Variants in IPO8 observed in about 807,000 individuals in gnomAD.
IPO8 encodes the protein importin 8, also known as importin-8.
IPO8 carries 65 observed loss-of-function variants against 141.2 expected under a neutral mutation model. The observed-to-expected ratio is 0.46, with a 90% CI of 0.38 to 0.57. The LOEUF (loss-of-function observed/expected upper bound fraction) is 0.57, where lower values mean the gene tolerates loss of function less well. IPO8 is among the 20% of genes least tolerant of loss of function. IPO8 has a pLI of 0.00. For missense variants in IPO8, 980 were observed against 1,246.8 expected (o/e 0.79, Z 3.22); for synonymous variants, 411 against 420.3 (o/e 0.98, Z 0.27).
At chr12:30,671,678 A>T (rs112635839) in intron 8 of IPO8, among the ~76,000 whole-genome samples, 2 of 133,110 alleles carry the variant, frequency 1.5e-5, no homozygotes, top group Non-Finnish European at 3.3e-5. Flanking sequence ...CTGCCTCAAA[A>T]AAAAAAAAAA....
Position 30,695,856 on chromosome 12 carries a change from A to C in IPO8, c.-209T>G. The C allele has an allele frequency of 4.0e-6, 2 of 497,260 alleles. No homozygotes were observed. Among genetic ancestry groups the C allele is most frequent in the Non-Finnish European group, 7.0e-6 (2 of 283,966 alleles). 30.8% of individuals were successfully genotyped at this position (497,260 alleles called of 1,614,324 possible). A position where few individuals can be genotyped will look rare whatever the true frequency, so the allele number is the denominator to read the frequency against. Reference sequence around the variant, plus strand: ...TTTTCCCCCCCACAACTCGCTCTCCATTCACCGTTTTACGACAGCCGGTGG... The same window carrying C: ...TTTTCCCCCCCACAACTCGCTCTCCCTTCACCGTTTTACGACAGCCGGTGG... On this transcript the variant is annotated 5_prime_UTR_variant, in exon 1 of 25. An upstream start codon of the reference 5' UTR is lost. Transcript: ENST00000256079. This position sits in a 1 kb window ranked among gnomAD's most constrained non-coding sequence, Gnocchi z 4.2.
At chr12:30,678,263 C>T (rs1371489532) in intron 5 of IPO8, among the ~76,000 whole-genome samples, 2 of 152,088 alleles carry the variant, frequency 1.3e-5, no homozygotes, top group South Asian at 4.1e-4. Flanking sequence ...CATAGACTAA[C>T]GTCCTAGGCC....
intron 20 of IPO8, among the ~76,000 whole-genome samples, chr12:30,642,614 AATTT>A (rs1389806879): frequency 4.6e-5 from 7 of 151,278 alleles, no homozygotes; most frequent in African/African-American, 7.3e-5. Context: ...GCTAATTATC[AATTT>A]ATTAATACGA....
At chr12:30,658,876 CTT>C (rs11337753) in intron 16 of IPO8, among the ~76,000 whole-genome samples, 2,701 of 90,180 alleles carry the variant, frequency 0.03, 48 homozygotes, top group African/African-American at 0.12. Flanking sequence ...AGTATCAAGC[CTT>C]TTTTTTTTTT....
chr12:30,655,305 C>G (rs1345086442), intron 17 of IPO8, among the ~76,000 whole-genome samples: 1 of 152,096 alleles, frequency 6.6e-6, no homozygotes, highest in Non-Finnish European at 1.5e-5. Flanking sequence ...AACCACTGGT[C>G]TTTTTACTGA....
rs113150635 is a variant in IPO8, at chr12:30,681,926, A to G, written c.324-109T>C. The stretch of plus-strand genomic sequence containing the variant: ...TTGTTATCTTCTATTTACGTGTATT[A>G]TATACTTACATATGTGGGGTAGGGG... On this transcript the variant is annotated intron_variant, in intron 3 of 24. Transcript: ENST00000256079. 1,872 of 808,444 alleles carry G rather than the reference A, an allele frequency of 2.3e-3. 23 individuals carry two copies. The African/African-American group carries it at 0.03, about 13-fold the overall frequency. 50.1% of individuals were successfully genotyped at this position (808,444 alleles called of 1,614,324 possible).
At chr12:30,666,124 C>T in intron 11 of IPO8, 51 bp downstream of exon 11, 1 of 1,158,850 alleles carries the variant, frequency 8.6e-7, no homozygotes, top group Admixed American at 2.2e-5. Context: ...AGAGTATCAA[C>T]TCAACACAGG....
intron 1 of IPO8, among the ~76,000 whole-genome samples, chr12:30,692,022 C>T (rs1213121231): frequency 6.6e-6 from 1 of 152,204 alleles, no homozygotes; most frequent in Non-Finnish European, 1.5e-5. Flanking sequence ...GTTCTAACAA[C>T]CGTTGATAGG....
chr12:30,629,714 C>T lies in IPO8; in HGVS notation c.*1146G>A, dbSNP rs1304743319. On this transcript the variant is annotated 3_prime_UTR_variant, in exon 25 of 25. Transcript: ENST00000256079. ...CATATGCAATATTTCCTATAGGCAA[C>T]CTAAAAGTGCAGCTGCCCCAACCCT... 1 of 152,102 alleles carries T rather than the reference C, an allele frequency of 6.6e-6. No individual in the cohort carries two copies. The highest frequency in any genetic ancestry group is 1.5e-5 in the Non-Finnish European group (1 of 68,014). The allele number at this position is 152,102 out of a possible 1,614,324, so 9.4% of individuals were successfully genotyped here.
At position 30,631,609 on chromosome 12, in the gene IPO8, G is replaced by A. The variant is rs183909785; in HGVS notation, c.3016+286C>T. On this transcript the variant is annotated intron_variant, in intron 24 of 24. Coordinates refer to ENST00000256079, the MANE Select transcript of IPO8 (RefSeq NM_006390.4). ...GATCCAACTGATTAAGTCTCCCTCGGCAAGACTTATCCCAACCCTTACTTT... is the reference window on the plus strand; with the variant it reads ...GATCCAACTGATTAAGTCTCCCTCGACAAGACTTATCCCAACCCTTACTTT... 6.7e-5 allele frequency: 16 copies of A among 240,030 alleles called. No individual in the cohort carries two copies. The East Asian group carries it at 1.5e-3, about 23-fold the overall frequency. 14.9% of individuals were successfully genotyped at this position (240,030 alleles called of 1,614,324 possible).
At position 30,649,252 on chromosome 12, in the gene IPO8, G is replaced by C; in HGVS notation, c.2173-20C>G. The C allele has an allele frequency of 6.3e-7, 1 of 1,575,088 alleles. No individual in the cohort carries two copies. Among genetic ancestry groups the C allele is most frequent in the Non-Finnish European group, 8.7e-7 (1 of 1,145,926 alleles). On this transcript the variant is annotated intron_variant, in intron 19 of 24. Coordinates refer to ENST00000256079, the MANE Select transcript of IPO8 (RefSeq NM_006390.4). ...TAGTACCTGCAGTAATTACAATTTA[G>C]CTCAGCAGTAAGTGGCACTGCATAG...
chr12:30,667,876 G>C (rs1449704720), intron 10 of IPO8, among the ~76,000 whole-genome samples: 1 of 152,130 alleles, frequency 6.6e-6, no homozygotes, highest in Non-Finnish European at 1.5e-5. Context: ...TATTATGAAA[G>C]AAGTAAACAC....
At chr12:30,691,569 CCA>C (rs1401642641) in intron 1 of IPO8, among the ~76,000 whole-genome samples, 1 of 152,178 alleles carries the variant, frequency 6.6e-6, no homozygotes. Flanking sequence ...CTGTCACATT[CCA>C]GAGTCCACAT....
At chr12:30,680,741 A>G in intron 4 of IPO8, 103 bp from the exon 5 acceptor site, 1 of 919,306 alleles carries the variant, frequency 1.1e-6, no homozygotes, top group Non-Finnish European at 1.6e-6. Context: ...CTAACAAAAC[A>G]AAGTCATTAA....
chr12:30,639,904 TAG>T (rs762010622), intron 20 of IPO8, among the ~76,000 whole-genome samples, 169 bp from the exon 21 acceptor site: 1 of 152,194 alleles, frequency 6.6e-6, no homozygotes, highest in Non-Finnish European at 1.5e-5. Context: ...TATAACAACC[TAG>T]AGAGACTAAA....
At chr12:30,676,660 A>G (rs1462121617) in intron 5 of IPO8, 73 bp from the exon 6 acceptor site, 1 of 1,059,882 alleles carries the variant, frequency 9.4e-7, no homozygotes, top group African/African-American at 1.6e-5. Context: ...TCTATATTGT[A>G]AGGCTAAAAT....
In IPO8 at chr12:30,695,212, G is replaced by A; in HGVS notation, c.84+352C>T. 2.4e-6 allele frequency: 1 copy of A among 421,800 alleles called. No homozygotes were observed. The highest frequency in any genetic ancestry group is 4.5e-6 in the Non-Finnish European group (1 of 224,410). 26.1% of individuals were successfully genotyped at this position (421,800 alleles called of 1,614,324 possible). A position where few individuals can be genotyped will look rare whatever the true frequency, so the allele number is the denominator to read the frequency against. On this transcript the variant is annotated intron_variant, in intron 1 of 24. Coordinates refer to ENST00000256079, the MANE Select transcript of IPO8 (RefSeq NM_006390.4). This position sits in a 1 kb window ranked among gnomAD's most constrained non-coding sequence, Gnocchi z 4.2. The stretch of plus-strand genomic sequence containing the variant: ...TGAACTGTAAGTAAAATTCCCACCT[G>A]CTCCCCAAGTCCGCGCACTTAAGGA...
In IPO8 at chr12:30,630,926, G is replaced by A. The variant is rs773358455; in HGVS notation, c.3048C>T (p.Gly1016=). ...GGACTCCTTTGTTTTCAAAGGTGAAGCCTCCCTGTTGTTCAATCTTCTTCT... is the reference window on the plus strand; with the variant it reads ...GGACTCCTTTGTTTTCAAAGGTGAAACCTCCCTGTTGTTCAATCTTCTTCT... The part of the protein sequence containing the change: ...EAKKKIEQQG[G]FTFENKGVLS... Residue 1016 remains glycine, a synonymous_variant, in exon 25 of 25, where the codon GGC becomes GGT. Transcript: ENST00000256079. 6.2e-7 allele frequency: 1 copy of A among 1,613,588 alleles called. No individual in the cohort carries two copies. The highest frequency in any genetic ancestry group is 8.5e-7 in the Non-Finnish European group (1 of 1,179,944).
chr12:30,695,161 G>C lies in IPO8; in HGVS notation c.84+403C>G. ...CACAGCAACACCTAAAAAGGGCTGG[G>C]TTTGGAAAAAAGCTGAACTCAGATT... is the stretch of plus-strand genomic sequence containing the variant. On this transcript the variant is annotated intron_variant, in intron 1 of 24. Transcript: ENST00000256079. This position sits in a 1 kb window ranked among gnomAD's most constrained non-coding sequence, Gnocchi z 4.2. 1 of 380,008 alleles carries C rather than the reference G, an allele frequency of 2.6e-6. No individual in the cohort carries two copies. Among genetic ancestry groups the C allele is most frequent in the South Asian group, 2.0e-5 (1 of 50,114 alleles). The allele number at this position is 380,008 out of a possible 1,614,324, so 23.5% of individuals were successfully genotyped here.
Sources: gnomAD v4.1 joint callset for allele counts (sites outside exome capture counted in the v4.1 genomes callset) on GRCh38, gnomAD v4.1.1 for gene constraint, Gnocchi (gnomAD v3.1) non-coding constraint, MANE v1.5 for transcripts, NCBI Gene and HGNC (gene_info 2026-07-23, HGNC 2026-07-21) for gene names.